NEGR1: variants seen among roughly 807,000 people sequenced by gnomAD.
NEGR1 encodes the protein neuronal growth regulator 1.
In NEGR1, 10 loss-of-function variants were observed where a neutral mutation model predicts 40.9. The observed-to-expected ratio is 0.24, with a 90% CI of 0.15 to 0.42. The LOEUF (loss-of-function observed/expected upper bound fraction) is 0.42, where lower values mean the gene tolerates loss of function less well. Among genes scored for constraint, NEGR1 ranks in the 10% least tolerant of loss-of-function variants. NEGR1 has a pLI of 1.00. For missense variants in NEGR1, 352 were observed against 438.9 expected (o/e 0.80, Z 1.77); for synonymous variants, 185 against 166.8 (o/e 1.11, Z -0.84).
chr1:71,980,672 A>G (rs1343124736), intron 1 of NEGR1, among the ~76,000 whole-genome samples: 3 of 152,150 alleles, frequency 2.0e-5, no homozygotes, highest in Admixed American at 6.6e-5. Context: ...AGCCCATAAC[A>G]TAATATCACA....
intron 4 of NEGR1, among the ~76,000 whole-genome samples, chr1:71,625,293 GACAC>G (rs145210964): frequency 2.0e-5 from 3 of 147,924 alleles, no homozygotes; most frequent in Non-Finnish European, 3.0e-5. Flanking sequence ...AATACACACA[GACAC>G]ACACACACAC....
At chr1:71,931,254 C>T (rs960687786) in intron 2 of NEGR1, among the ~76,000 whole-genome samples, 1 of 152,102 alleles carries the variant, frequency 6.6e-6, no homozygotes, top group Non-Finnish European at 1.5e-5. Context: ...GAGTGTATTT[C>T]CTTGAAAGGG....
At chr1:72,125,596 ATAT>A (rs1215101047) in intron 1 of NEGR1, among the ~76,000 whole-genome samples, 2 of 152,290 alleles carry the variant, frequency 1.3e-5, no homozygotes, top group East Asian at 1.9e-4. Context: ...TAATAAGGAA[ATAT>A]TATTACTATA....
At chr1:72,161,132 G>A (rs897298520) in intron 1 of NEGR1, among the ~76,000 whole-genome samples, 8 of 152,198 alleles carry the variant, frequency 5.3e-5, no homozygotes, top group African/African-American at 1.9e-4. Flanking sequence ...AGCTCTGAGA[G>A]TTCCTTCATC....
chr1:71,916,523 C>T (rs185750347), intron 2 of NEGR1, among the ~76,000 whole-genome samples: 116 of 152,208 alleles, frequency 7.6e-4, no homozygotes, highest in African/African-American at 2.2e-3. Context: ...GAGGCCGAAG[C>T]GGGTGGATCA....
rs1236216066 is a variant in NEGR1, at chr1:71,404,770, G to C, written c.*2676C>G. On this transcript the variant is annotated 3_prime_UTR_variant, in exon 7 of 7. Coordinates refer to ENST00000357731, the MANE Select transcript of NEGR1 (RefSeq NM_173808.3). Reference sequence around the variant, plus strand: ...CTGAAATGAACAGCTAACACAAATTGTTATAGATTAAAAGATAAATCAATT... The same window carrying C: ...CTGAAATGAACAGCTAACACAAATTCTTATAGATTAAAAGATAAATCAATT... The C allele has an allele frequency of 6.6e-6, 1 of 151,980 alleles. No individual in the cohort carries two copies. Among genetic ancestry groups the C allele is most frequent in the Non-Finnish European group, 1.5e-5 (1 of 67,700 alleles). 9.4% of individuals were successfully genotyped at this position (151,980 alleles called of 1,614,324 possible).
intron 1 of NEGR1, among the ~76,000 whole-genome samples, chr1:71,947,860 A>T (rs895199995): frequency 6.6e-6 from 1 of 152,094 alleles, no homozygotes; most frequent in African/African-American, 2.4e-5. Context: ...GTCATCATGT[A>T]CCTAAGTGTA....
intron 6 of NEGR1, among the ~76,000 whole-genome samples, chr1:71,497,000 G>A (rs1646968206): frequency 6.6e-6 from 1 of 152,146 alleles, no homozygotes; most frequent in South Asian, 2.1e-4. Context: ...GTTTCTGTTT[G>A]AAACATTAGC....
intron 2 of NEGR1, among the ~76,000 whole-genome samples, chr1:71,809,477 G>C (rs1173679577): frequency 6.6e-6 from 1 of 152,042 alleles, no homozygotes; most frequent in African/African-American, 2.4e-5. Context: ...CTTTGTATTA[G>C]GTATTGGGGT....
At chr1:71,826,280 C>T (rs1338557610) in intron 2 of NEGR1, among the ~76,000 whole-genome samples, 2 of 151,932 alleles carry the variant, frequency 1.3e-5, no homozygotes, top group Non-Finnish European at 2.9e-5. Context: ...ATCTATATAT[C>T]TCTACTCCAG....
At chr1:71,697,535 CT>C (rs1233645295) in intron 4 of NEGR1, among the ~76,000 whole-genome samples, 1 of 151,782 alleles carries the variant, frequency 6.6e-6, no homozygotes, top group African/African-American at 2.4e-5. Flanking sequence ...TCTTCACTTT[CT>C]TTTTCCCAAA....
intron 1 of NEGR1, among the ~76,000 whole-genome samples, chr1:71,973,645 T>A (rs1420242375): frequency 6.6e-6 from 1 of 152,214 alleles, no homozygotes; most frequent in Non-Finnish European, 1.5e-5. Flanking sequence ...TTATATCATC[T>A]CTTTTTTTCT....
chr1:71,549,765 C>G (rs1570017070), intron 6 of NEGR1, among the ~76,000 whole-genome samples: 1 of 151,588 alleles, frequency 6.6e-6, no homozygotes, highest in East Asian at 2.0e-4. Context: ...GCCAGAATAA[C>G]ATTATTTCAT....
intron 1 of NEGR1, among the ~76,000 whole-genome samples, chr1:71,984,780 C>T (rs1054204220): frequency 6.6e-6 from 1 of 152,124 alleles, no homozygotes; most frequent in East Asian, 1.9e-4. Flanking sequence ...AATGCCAATA[C>T]AAATATTTCC....
At chr1:71,988,167 C>T (rs1446235331) in intron 1 of NEGR1, among the ~76,000 whole-genome samples, 1 of 152,158 alleles carries the variant, frequency 6.6e-6, no homozygotes. Context: ...TCTTTTTGGT[C>T]ACTAAAGTAC....
chr1:72,149,575 A>T (rs943071695), intron 1 of NEGR1, among the ~76,000 whole-genome samples: 20 of 152,058 alleles, frequency 1.3e-4, no homozygotes, highest in African/African-American at 4.8e-4. Flanking sequence ...CAATCTATAA[A>T]GTTAGTATAT....
At chr1:71,594,467 G>C (rs925528207) in intron 5 of NEGR1, among the ~76,000 whole-genome samples, 1 of 152,142 alleles carries the variant, frequency 6.6e-6, no homozygotes, top group African/African-American at 2.4e-5. Context: ...AGTCATACTT[G>C]ATTACTCTGG....
At chr1:71,431,057 T>A (rs868509593) in intron 6 of NEGR1, among the ~76,000 whole-genome samples, 9 of 141,524 alleles carry the variant, frequency 6.4e-5, no homozygotes, top group Admixed American at 7.3e-5. Flanking sequence ...AAAAAAGACT[T>A]TTTTTTTTAT....
intron 6 of NEGR1, among the ~76,000 whole-genome samples, chr1:71,568,288 A>C (rs1648687079): frequency 6.6e-6 from 1 of 152,160 alleles, no homozygotes; most frequent in African/African-American, 2.4e-5. Context: ...CCCTATCTTA[A>C]ACCACAAAGT....
Sources: allele counts gnomAD v4.1 joint callset (sites outside exome capture counted in the v4.1 genomes callset), GRCh38; gene constraint gnomAD v4.1.1; transcripts MANE v1.5; gene names NCBI Gene and HGNC (gene_info 2026-07-23, HGNC 2026-07-21).